Variants in MEIS1 observed in about 807,000 individuals in gnomAD.
The protein encoded by MEIS1 is homeobox protein Meis1.
Under a neutral mutation model 50.8 loss-of-function variants are expected in MEIS1, and 5 were observed. That is an observed-to-expected ratio of 0.10 (90% CI 0.05 to 0.21). MEIS1 has a LOEUF of 0.21. Ranked by LOEUF, MEIS1 falls within the 10% of genes least tolerant of loss-of-function variation. MEIS1 has a pLI of 1.00. For synonymous variants in MEIS1, 176 were observed against 179.3 expected, an observed-to-expected ratio of 0.98 and a Z score of 0.15; for missense variants, 318 against 517.3, an observed-to-expected ratio of 0.61 and a Z score of 3.74.
At chr2:66,484,977 A>G (rs1673104163) in intron 7 of MEIS1, among the ~76,000 whole-genome samples, 1 of 152,218 alleles carries the variant, frequency 6.6e-6, no homozygotes, top group African/African-American at 2.4e-5. Context: ...AATTTAAAAT[A>G]TAGGACGAGA....
chr2:66,565,097 C>G (rs965905871), intron 9 of MEIS1, among the ~76,000 whole-genome samples: 1 of 151,978 alleles, frequency 6.6e-6, no homozygotes, highest in Non-Finnish European at 1.5e-5. Flanking sequence ...TGTCAGTGAC[C>G]AAACGAAGTG....
At chr2:66,461,691 A>G (rs1672522168) in intron 6 of MEIS1, 1 of 305,794 alleles carries the variant, frequency 3.3e-6, no homozygotes, top group Admixed American at 4.9e-5. Flanking sequence ...GGTGGAATCC[A>G]ACATTTCTTG....
intron 8 of MEIS1, among the ~76,000 whole-genome samples, chr2:66,514,392 A>G (rs1384161599): frequency 6.6e-6 from 1 of 152,202 alleles, no homozygotes; most frequent in Non-Finnish European, 1.5e-5. Flanking sequence ...ATGATTTTAC[A>G]TGCATTGCAT....
chr2:66,447,818 CCT>C (rs775021497), intron 6 of MEIS1, among the ~76,000 whole-genome samples: 50 of 152,036 alleles, frequency 3.3e-4, no homozygotes, highest in East Asian at 1.9e-4. Context: ...GCGTAGCTTC[CCT>C]CTCTCTCTGT....
At chr2:66,481,003 AAAAAAAAC>A (rs921351968) in intron 7 of MEIS1, among the ~76,000 whole-genome samples, 6 of 151,992 alleles carry the variant, frequency 3.9e-5, no homozygotes, top group African/African-American at 9.7e-5. Flanking sequence ...CTCTGTTAAA[AAAAAAAAC>A]AAAAAAACAA....
intron 9 of MEIS1, among the ~76,000 whole-genome samples, chr2:66,553,738 A>G (rs1277689184): frequency 6.6e-6 from 1 of 152,202 alleles, no homozygotes; most frequent in Non-Finnish European, 1.5e-5. Context: ...TTCTTTGAAA[A>G]TGACTCTGCA....
chr2:66,534,575 G>A (rs1192484021), intron 8 of MEIS1, among the ~76,000 whole-genome samples: 1 of 151,794 alleles, frequency 6.6e-6, no homozygotes, highest in African/African-American at 2.4e-5. Flanking sequence ...CTTTAGATTT[G>A]CCATTTGTAA....
chr2:66,548,264 G>A lies in MEIS1; in HGVS notation c.965+245G>A, dbSNP rs568363034. Among the ~76,000 whole-genome samples the A allele has an allele frequency of 4.6e-5, 7 of 152,274 alleles. No homozygotes were observed. The East Asian group carries it at 1.2e-3, about 25-fold the overall frequency. ...TTTTATGCATAGTATAAGTATGTGT[G>A]TAATTCACATTCACTATGGCTCTGT... On this transcript the variant is annotated intron_variant, in intron 9 of 12. Transcript: ENST00000272369.
chr2:66,456,235 TACACACACAC>T (rs3220293), intron 6 of MEIS1, among the ~76,000 whole-genome samples: 4 of 147,512 alleles, frequency 2.7e-5, no homozygotes, highest in African/African-American at 7.7e-5. Flanking sequence ...ATGATTTTTA[TACACACACAC>T]ACACACACAC....
intron 8 of MEIS1, among the ~76,000 whole-genome samples, chr2:66,543,013 T>C (rs1354735668): frequency 2.6e-5 from 4 of 152,232 alleles, no homozygotes; most frequent in South Asian, 2.1e-4. Flanking sequence ...TTTCTTTCAA[T>C]GTATTGTAAA....
At chr2:66,461,590 A>C (rs565591891) in intron 6 of MEIS1, among the ~76,000 whole-genome samples, 1 of 152,334 alleles carries the variant, frequency 6.6e-6, no homozygotes, top group East Asian at 1.9e-4. Context: ...AGGCTGTGAG[A>C]AGAATGATAT....
In MEIS1 at chr2:66,492,089, GTC is replaced by G. The variant is rs1020659204; in HGVS notation, c.743-20058_743-20057del. Reference sequence around the variant, plus strand: ...TTCACTTGTGTGTGTGTGTGTGTGTGTCTGCTTGCATGTGTGGGTGTGAGCGA... The same window carrying G: ...TTCACTTGTGTGTGTGTGTGTGTGTGTGCTTGCATGTGTGGGTGTGAGCGA... On this transcript the variant is annotated intron_variant, in intron 7 of 12. Transcript: ENST00000272369. Among the ~76,000 whole-genome samples the G allele has an allele frequency of 1.3e-4, 20 of 149,756 alleles. No homozygotes were observed. In the East Asian group the frequency reaches 2.2e-3, roughly 16 times the overall value.
At chr2:66,541,594 A>C (rs1267935221) in intron 8 of MEIS1, among the ~76,000 whole-genome samples, 6 of 152,166 alleles carry the variant, frequency 3.9e-5, no homozygotes, top group Non-Finnish European at 8.8e-5. Context: ...GAATGACTCT[A>C]CTGGGCCCCA....
chr2:66,437,395 G>GAC (rs895842675), intron 1 of MEIS1: 4 of 293,108 alleles, frequency 1.4e-5, no homozygotes, highest in African/African-American at 8.7e-5. Flanking sequence ...TTCCTCCAGA[G>GAC]ACATGCCCGT....
intron 8 of MEIS1, among the ~76,000 whole-genome samples, chr2:66,513,710 G>A (rs1156917623): frequency 6.6e-6 from 1 of 152,108 alleles, no homozygotes; most frequent in Non-Finnish European, 1.5e-5. Context: ...CTGGAAATTA[G>A]TTGGAGATTT....
At chr2:66,523,020 T>C (rs6742861) in intron 8 of MEIS1, among the ~76,000 whole-genome samples, 36,398 of 152,144 alleles carry the variant, frequency 0.24, 5,222 homozygotes, top group Non-Finnish European at 0.33. Flanking sequence ...TCTTTAAGCA[T>C]GTTACATATA....
At chr2:66,508,929 A>G (rs1673752283) in intron 7 of MEIS1, 1 of 439,094 alleles carries the variant, frequency 2.3e-6, no homozygotes, top group Non-Finnish European at 4.7e-6. Context: ...TGGCGGCAGG[A>G]GAAGTCAGCT....
rs75233776 is a variant in MEIS1 at position 66,535,897 on chromosome 2, G to A, written c.889-12046G>A. Among the ~76,000 whole-genome samples, 678 of 152,262 alleles carry A rather than the reference G, an allele frequency of 4.5e-3. 6 individuals are homozygous for A. Among genetic ancestry groups the A allele is most frequent in the Non-Finnish European group, 6.8e-3 (463 of 68,024 alleles). On this transcript the variant is annotated intron_variant, in intron 8 of 12. Coordinates refer to ENST00000272369, the MANE Select transcript of MEIS1 (RefSeq NM_002398.3). ...ATAATCTCTGAAATTAAAAACTGAA[G>A]TGCATGGTGCACAGAATAGAGAAAA...
intron 9 of MEIS1, among the ~76,000 whole-genome samples, chr2:66,552,941 T>A (rs1030025528): frequency 7.2e-5 from 11 of 152,174 alleles, no homozygotes; most frequent in Admixed American, 7.2e-4. Context: ...CAACATAATT[T>A]AATAATACAT....
Sources: gnomAD v4.1 joint callset for allele counts (sites outside exome capture counted in the v4.1 genomes callset) on GRCh38, gnomAD v4.1.1 for gene constraint, MANE v1.5 for transcripts, NCBI Gene and HGNC (gene_info 2026-07-23, HGNC 2026-07-21) for gene names.